Variants in ZNF320 observed in about 807,000 individuals in gnomAD.
ZNF320 encodes zinc finger gene 320.
Under a neutral mutation model 6.8 loss-of-function variants are expected in ZNF320, and 2 were observed. The observed-to-expected ratio is 0.29, with a 90% CI of 0.12 to 0.93. The LOEUF is 0.93. ZNF320 is among the 40% of genes least tolerant of loss of function. The pLI is 0.55. For missense variants in ZNF320, 472 were observed against 611.0 expected (o/e 0.77, Z 2.40); for synonymous variants, 208 against 203.2 (o/e 1.02, Z -0.20).
In ZNF320 at chr19:52,880,453, G is replaced by A; in HGVS notation, c.*143C>T. ...TGACCTCAAGTGACCTACCTGTCTT[G>A]GCCTCTCAAAGTGCTGGGATTACAG... is the stretch of plus-strand genomic sequence containing the variant. On this transcript the variant is annotated 3_prime_UTR_variant, in exon 6 of 6. Transcript: ENST00000682928. 1 of 776,444 alleles carries A rather than the reference G, an allele frequency of 1.3e-6. No individual in the cohort carries two copies. The allele number at this position is 776,444 out of a possible 1,614,324, so 48.1% of individuals were successfully genotyped here.
intron 5 of ZNF320, among the ~76,000 whole-genome samples, chr19:52,870,413 G>A (rs570501749): frequency 4.8e-5 from 7 of 147,316 alleles, no homozygotes; most frequent in Admixed American, 1.4e-4. Context: ...TGGAGGCGGA[G>A]CTTGCAGTGA....
At chr19:52,874,063 G>A (rs757075057), downstream of ZNF320, 1 of 412,466 alleles carries the variant, frequency 2.4e-6, no homozygotes, top group African/African-American at 2.1e-5. Flanking sequence ...TAAGTCTCTG[G>A]AAATCAATCC....
intron 2 of ZNF320, chr19:52,892,195 GTC>G (rs941072556): frequency 1.3e-5 from 2 of 149,796 alleles, no homozygotes; most frequent in Non-Finnish European, 3.0e-5. Context: ...AGAAACCCCC[GTC>G]TCTACTAAAA....
downstream of ZNF320, among the ~76,000 whole-genome samples, chr19:52,875,326 C>G (rs1037676474): frequency 2.3e-4 from 35 of 152,078 alleles, no homozygotes; most frequent in South Asian, 6.2e-4. Context: ...GAGACAACTG[C>G]ACACAGGATT....
In ZNF320 at chr19:52,880,636, A is replaced by G; in HGVS notation, c.1490T>C (p.Phe497Ser). The change falls in exon 6 of 6, where the codon TTC becomes TCC. Residue 497 changes from phenylalanine to serine, a missense_variant. By Grantham distance (155) the Phe-to-Ser change is radical. Around this residue, in one of 2 missense-constraint regions of ZNF320, gnomAD observed 462 missense variants for 559.7 expected, o/e 0.83. Coordinates refer to ENST00000682928, the MANE Select transcript of ZNF320 (RefSeq NM_001351774.2). ...HQKIPFGDNCFKCNEYSKPSS... is the reference protein window; with the variant it reads ...HQKIPFGDNCSKCNEYSKPSS... ...TGGTTTGCTATACTCATTGCACTTG[A>G]AACAATTGTCTCCAAAAGGAATTTT... The G allele has an allele frequency of 1.2e-6, 2 of 1,613,130 alleles. No homozygotes were observed. The highest frequency in any genetic ancestry group is 1.7e-6 in the Non-Finnish European group (2 of 1,179,488).
At chr19:52,897,448 C>T (rs1299207562) in intron 1 of ZNF320, 72 bp downstream of exon 1, 1 of 152,300 alleles carries the variant, frequency 6.6e-6, no homozygotes, top group Non-Finnish European at 1.5e-5. Flanking sequence ...TGCACGACCC[C>T]ACTGCAGAAA....
upstream of ZNF320, among the ~76,000 whole-genome samples, chr19:52,900,499 A>G (rs1348486278): frequency 6.6e-6 from 1 of 152,170 alleles, no homozygotes; most frequent in Non-Finnish European, 1.5e-5. Context: ...TTCTACAAAC[A>G]TAACATGAGG....
chr19:52,867,636 A>C (rs2063600932), intron 5 of ZNF320, among the ~76,000 whole-genome samples: 2 of 151,508 alleles, frequency 1.3e-5, no homozygotes, highest in Admixed American at 1.3e-4. Flanking sequence ...TTTGAGAAAG[A>C]GTTTCACTCT....
At position 52,880,792 on chromosome 19, in the gene ZNF320, TCAC is replaced by T. The variant is rs771304841; in HGVS notation, c.1331_1333del (p.Gly444del). The T allele has an allele frequency of 2.4e-5, 39 of 1,613,944 alleles. No individual in the cohort carries two copies. The Admixed American group carries it at 4.2e-4, about 17-fold the overall frequency. ...AGGTGAATTAAAGGCTTTACCACAA[TCAC>T]CACACTTGTGAGGTTTCTCTCCTGT... On this transcript the variant is annotated inframe_deletion, in exon 6 of 6. Coordinates refer to ENST00000682928, the MANE Select transcript of ZNF320 (RefSeq NM_001351774.2).
upstream of ZNF320, among the ~76,000 whole-genome samples, chr19:52,902,463 G>T (rs191612444): frequency 6.6e-6 from 1 of 152,332 alleles, no homozygotes; most frequent in African/African-American, 2.4e-5. Context: ...TGTTTAATGT[G>T]CAGATGGAAT....
chr19:52,872,366 A>G (rs1401381269), downstream of ZNF320, among the ~76,000 whole-genome samples: 1 of 152,202 alleles, frequency 6.6e-6, no homozygotes, highest in African/African-American at 2.4e-5. Context: ...TATTCCTCAG[A>G]AGGTGGAGAT....
intron 5 of ZNF320, among the ~76,000 whole-genome samples, chr19:52,886,977 A>AGAAG (rs57415767): frequency 0.17 from 20,871 of 123,130 alleles, 2,600 homozygotes; most frequent in Admixed American, 0.36. Flanking sequence ...AAAGAAAGAA[A>AGAAG]GAAGGAAGGA....
intron 5 of ZNF320, among the ~76,000 whole-genome samples, chr19:52,867,894 G>C (rs1442202004): frequency 1.3e-5 from 2 of 152,120 alleles, no homozygotes; most frequent in African/African-American, 4.8e-5. Context: ...TTACAGGCTT[G>C]AGCCACCGCA....
intron 1 of ZNF320, among the ~76,000 whole-genome samples, chr19:52,896,310 C>T (rs1375131429): frequency 2.0e-5 from 3 of 152,188 alleles, no homozygotes; most frequent in Admixed American, 6.5e-5. Flanking sequence ...AGGCTGGTCT[C>T]GAACTCCTGA....
downstream of ZNF320, among the ~76,000 whole-genome samples, chr19:52,875,180 T>C (rs192681803): frequency 0.013 from 1,928 of 152,340 alleles, 38 homozygotes; most frequent in African/African-American, 0.044. Context: ...CAAGTTTGGC[T>C]AAGCTTCCAG....
At chr19:52,892,925 C>T (rs1047355527) in intron 2 of ZNF320, among the ~76,000 whole-genome samples, 3 of 131,298 alleles carry the variant, frequency 2.3e-5, no homozygotes, top group Admixed American at 2.2e-4. Context: ...CCTCTCCCTA[C>T]CTTGCTGTCC....
In ZNF320 at chr19:52,881,501, T is replaced by C; in HGVS notation, c.625A>G (p.Arg209Gly). 1 of 1,614,160 alleles carries C rather than the reference T, an allele frequency of 6.2e-7. No homozygotes were observed. Among genetic ancestry groups the C allele is most frequent in the Non-Finnish European group, 8.5e-7 (1 of 1,180,028 alleles). ...TAATGTTTGTCTCCCCTGTGAATTCTAGTATGTTTTGCCAGGTGTGAATCA... is the reference window on the plus strand; with the variant it reads ...TAATGTTTGTCTCCCCTGTGAATTCCAGTATGTTTTGCCAGGTGTGAATCA... ...KHDSHLAKHT[R>G]IHRGDKHYTC... The change falls in exon 6 of 6, where the codon AGA becomes GGA. Residue 209 changes from arginine (R) to glycine (G), a missense_variant. Transcript: ENST00000682928.
At chr19:52,873,167 C>T (rs1373157562), downstream of ZNF320, among the ~76,000 whole-genome samples, 6 of 152,170 alleles carry the variant, frequency 3.9e-5, no homozygotes, top group South Asian at 2.1e-4. Flanking sequence ...TGCAAAGAGG[C>T]CTTTCTCTTT....
At chr19:52,898,068 T>G (rs7251811), upstream of ZNF320, among the ~76,000 whole-genome samples, 57,077 of 152,148 alleles carry the variant, frequency 0.38, 10,839 homozygotes, top group African/African-American at 0.4. Context: ...TTTTAGCAAT[T>G]TATGTCCAAA....
Sources: allele counts gnomAD v4.1 joint callset (sites outside exome capture counted in the v4.1 genomes callset), GRCh38; gene constraint gnomAD v4.1.1; regional missense constraint gnomAD v4.1.1; transcripts MANE v1.5; gene names NCBI Gene and HGNC (gene_info 2026-07-23, HGNC 2026-07-21).